PLAAT2: variants seen among roughly 807,000 people sequenced by gnomAD.
PLAAT2 encodes phospholipase A and acyltransferase 2, also known as HRAS like suppressor 2.
Under a neutral mutation model 12.8 loss-of-function variants are expected in PLAAT2, and 12 were observed. The ratio of observed to expected loss-of-function variants is 0.94; its 90% CI spans 0.60 to 1.52. PLAAT2 has a LOEUF of 1.52. PLAAT2 is among the 40% of genes most tolerant of loss of function. PLAAT2 has a pLI of 0.00. For missense variants in PLAAT2, 166 were observed against 208.1 expected, an observed-to-expected ratio of 0.80 and a Z score of 1.24; for synonymous variants, 79 against 86.8, an observed-to-expected ratio of 0.91 and a Z score of 0.50.
intron 3 of PLAAT2, among the ~76,000 whole-genome samples, chr11:63,554,988 G>A (rs931408910): frequency 6.6e-6 from 1 of 152,210 alleles, no homozygotes; most frequent in South Asian, 2.1e-4. Flanking sequence ...TTGTGCAGAG[G>A]TGACTGACAT....
chr11:63,553,296 G>A (rs915432922), intron 3 of PLAAT2, among the ~76,000 whole-genome samples: 15 of 152,138 alleles, frequency 9.9e-5, no homozygotes, highest in African/African-American at 2.7e-4. Flanking sequence ...AGCCATAGGC[G>A]TGATATACAC....
rs1222569938 is a variant in PLAAT2, at chr11:63,552,780, A to G, written c.*184T>C. ...AGCATTCAGTCCATAGCAGAGCCCA[A>G]TTGTGTCTTTAATAGAATTCATACT... is the stretch of plus-strand genomic sequence containing the variant. On this transcript the variant is annotated 3_prime_UTR_variant, in exon 4 of 4. Coordinates refer to ENST00000255695, the MANE Select transcript of PLAAT2 (RefSeq NM_017878.2). 4 of 574,692 alleles carry G rather than the reference A, an allele frequency of 7.0e-6. No homozygotes were observed. Among genetic ancestry groups the G allele is most frequent in the East Asian group, 3.0e-5 (1 of 33,658 alleles). 35.6% of individuals were successfully genotyped at this position (574,692 alleles called of 1,614,324 possible). A position where few individuals can be genotyped will look rare whatever the true frequency, so the allele number is the denominator to read the frequency against.
intron 3 of PLAAT2, among the ~76,000 whole-genome samples, chr11:63,555,289 G>C (rs968596243): frequency 6.6e-6 from 1 of 151,952 alleles, no homozygotes; most frequent in Non-Finnish European, 1.5e-5. Flanking sequence ...CCACATCCAT[G>C]GATCCAATCA....
intron 3 of PLAAT2, among the ~76,000 whole-genome samples, chr11:63,554,224 G>C (rs897636824): frequency 6.6e-6 from 1 of 152,018 alleles, no homozygotes; most frequent in Non-Finnish European, 1.5e-5. Context: ...TCAGCACTGT[G>C]CTGGGAACTC....
rs775560144 is a variant in PLAAT2, at chr11:63,558,635, G to C, written c.144C>G (p.Ala48=). 4.3e-6 allele frequency: 7 copies of C among 1,614,216 alleles called. No homozygotes were observed. Among genetic ancestry groups the C allele is most frequent in the Non-Finnish European group, 5.9e-6 (7 of 1,180,038 alleles). The part of the protein sequence containing the change: ...PASEIAGAGA[A]SVLSALTNKA... ...TGTTGGTCAGGGCAGACAGGACACTGGCCGCACCAGCTCCAGCAATTTCAC... is the reference window on the plus strand; with the variant it reads ...TGTTGGTCAGGGCAGACAGGACACTCGCCGCACCAGCTCCAGCAATTTCAC... Residue 48 remains alanine (A), a synonymous_variant, in exon 3 of 4, where the codon GCC becomes GCG. Transcript: ENST00000255695.
intron 1 of PLAAT2, among the ~76,000 whole-genome samples, chr11:63,561,591 G>C (rs1040355618): frequency 7.5e-6 from 1 of 133,446 alleles, no homozygotes; most frequent in Non-Finnish European, 1.5e-5. Flanking sequence ...GTTGCAGTGA[G>C]CAGAGATCGT....
chr11:63,556,864 C>T lies in PLAAT2; in HGVS notation c.387+1528G>A, dbSNP rs560078171. On this transcript the variant is annotated intron_variant, in intron 3 of 3. Coordinates refer to ENST00000255695, the MANE Select transcript of PLAAT2 (RefSeq NM_017878.2). ...TTCAGAAAGGAATATGCAACCACGT[C>T]GAGGCTCCTGCCTCATCTGTCTGCT... Among the ~76,000 whole-genome samples, 39 of 152,310 alleles carry T rather than the reference C, an allele frequency of 2.6e-4. No homozygotes were observed. In the South Asian group the frequency reaches 7.3e-3, roughly 28 times the overall value.
chr11:63,556,771 A>G (rs1198016190), intron 3 of PLAAT2, among the ~76,000 whole-genome samples: 1 of 152,218 alleles, frequency 6.6e-6, no homozygotes, highest in Non-Finnish European at 1.5e-5. Flanking sequence ...GCACAGGCTA[A>G]GGTGTAAACA....
chr11:63,558,255 G>T, intron 3 of PLAAT2, 137 bp downstream of exon 3: 1 of 968,550 alleles, frequency 1.0e-6, no homozygotes, highest in Non-Finnish European at 1.5e-6. Context: ...ACACCCTCAA[G>T]GACAACAGTT....
chr11:63,563,908 A>G (rs113934645), upstream of PLAAT2, among the ~76,000 whole-genome samples: 370 of 152,242 alleles, frequency 2.4e-3, 4 homozygotes, highest in African/African-American at 8.5e-3. Flanking sequence ...ACAGCTGACA[A>G]TCACCAAGTT....
chr11:63,557,532 CAA>C (rs576254760), intron 3 of PLAAT2, among the ~76,000 whole-genome samples: 2 of 141,710 alleles, frequency 1.4e-5, no homozygotes. Flanking sequence ...GACTCTGTAT[CAA>C]AAAAAAAAAA....
chr11:63,564,477 G>A (rs1481390150), upstream of PLAAT2, among the ~76,000 whole-genome samples: 1 of 152,148 alleles, frequency 6.6e-6, no homozygotes, highest in Admixed American at 6.5e-5. Context: ...AACAAACAAA[G>A]AGCTTTAGTG....
At chr11:63,556,410 G>C (rs2017467053) in intron 3 of PLAAT2, among the ~76,000 whole-genome samples, 1 of 152,142 alleles carries the variant, frequency 6.6e-6, no homozygotes, top group African/African-American at 2.4e-5. Flanking sequence ...CTTCCAGATT[G>C]ATTTTGTGGC....
intron 1 of PLAAT2, among the ~76,000 whole-genome samples, chr11:63,561,757 A>T (rs908776053): frequency 2.0e-5 from 3 of 151,834 alleles, no homozygotes; most frequent in Non-Finnish European, 4.4e-5. Flanking sequence ...AATTTATGTA[A>T]CCAAATACCA....
At chr11:63,562,301 G>A (rs1304017919) in intron 1 of PLAAT2, among the ~76,000 whole-genome samples, 3 of 152,146 alleles carry the variant, frequency 2.0e-5, no homozygotes, top group Non-Finnish European at 4.4e-5. Context: ...CTGGAGTGCA[G>A]TGGCACTATC....
chr11:63,553,179 TCA>T (rs1477310121), intron 3 of PLAAT2, 114 bp from the exon 4 acceptor site: 4 of 644,728 alleles, frequency 6.2e-6, no homozygotes, highest in African/African-American at 5.5e-5. Flanking sequence ...TTCATTTGAA[TCA>T]CAGAGGGAAC....
chr11:63,563,715 CAAAA>C (rs35852892), upstream of PLAAT2, among the ~76,000 whole-genome samples: 5 of 56,134 alleles, frequency 8.9e-5, no homozygotes, highest in African/African-American at 2.5e-4. Context: ...GAGACTCAGT[CAAAA>C]AAAAAAAAAA....
rs113567936 is a variant in PLAAT2, at chr11:63,553,487, CA to C, written c.388-423del. 1.8e-3 allele frequency among the ~76,000 whole-genome samples: 222 copies of C among 125,736 alleles called. 5 individuals carry two copies. The highest frequency in any genetic ancestry group is 3.9e-3 in the Middle Eastern group (1 of 256). The allele number at this position is 125,736 out of a possible 152,430, so 82.5% of individuals were successfully genotyped here. On this transcript the variant is annotated intron_variant, in intron 3 of 3. Transcript: ENST00000255695. ...AGACCCCCATCTCTACAAAAAAATA[CA>C]AAAAAAAAAAAACAGCTGAGTCCAG...
At chr11:63,553,171 C>A (rs902487467) in intron 3 of PLAAT2, 106 bp from the exon 4 acceptor site, 1 of 672,630 alleles carries the variant, frequency 1.5e-6, no homozygotes, top group Admixed American at 2.9e-5. Context: ...CAGTCCTCTT[C>A]ATTTGAATCA....
Sources: allele counts gnomAD v4.1 joint callset (sites outside exome capture counted in the v4.1 genomes callset), GRCh38; gene constraint gnomAD v4.1.1; transcripts MANE v1.5; gene names NCBI Gene and HGNC (gene_info 2026-07-23, HGNC 2026-07-21).